EYS: variants seen among roughly 807,000 people sequenced by gnomAD.
The protein encoded by EYS is protein eyes shut homolog.
Under a neutral mutation model 282.1 loss-of-function variants are expected in EYS, and 250 were observed. That is an observed-to-expected ratio of 0.89 (90% confidence interval 0.80 to 0.98). EYS has a LOEUF of 0.98. EYS is among the 50% of genes least tolerant of loss of function. The pLI, the probability that EYS is intolerant of heterozygous loss-of-function variation, is 0.00. For synonymous variants in EYS, 1,355 were observed against 1,282.9 expected, an observed-to-expected ratio of 1.06 and a Z score of -1.20; for missense variants, 4,016 against 3,709.0, an observed-to-expected ratio of 1.08 and a Z score of -2.15.
At chr6:64,167,635 C>T (rs77723806) in intron 31 of EYS, among the ~76,000 whole-genome samples, 3,899 of 151,628 alleles carry the variant, frequency 0.026, 154 homozygotes, top group African/African-American at 0.09. Flanking sequence ...AAAGGGCATA[C>T]GTACATACAG....
chr6:64,382,508 ACT>A (rs1772781682), intron 29 of EYS, among the ~76,000 whole-genome samples: 1 of 151,932 alleles, frequency 6.6e-6, no homozygotes, highest in Admixed American at 6.6e-5. Context: ...CTGATGTTTG[ACT>A]CTCCCTCTCA....
chr6:65,578,132 T>C (rs1017177992), intron 2 of EYS, among the ~76,000 whole-genome samples: 3 of 151,878 alleles, frequency 2.0e-5, no homozygotes, highest in Non-Finnish European at 4.4e-5. Flanking sequence ...TACACTGCAC[T>C]TTTTGCAGCA....
At chr6:64,564,423 GCACA>G (rs1562064339) in intron 26 of EYS, among the ~76,000 whole-genome samples, 9 of 151,116 alleles carry the variant, frequency 6.0e-5, no homozygotes, top group Non-Finnish European at 1.2e-4. Flanking sequence ...GACTACAGGT[GCACA>G]CCACCACGCC....
At chr6:64,487,145 G>A (rs1275493813) in intron 26 of EYS, among the ~76,000 whole-genome samples, 1 of 150,920 alleles carries the variant, frequency 6.6e-6, no homozygotes, top group Admixed American at 6.6e-5. Context: ...AGATTTATTG[G>A]CACTTAATCA....
At chr6:65,370,642 G>A (rs1265981208) in intron 8 of EYS, among the ~76,000 whole-genome samples, 2 of 151,568 alleles carry the variant, frequency 1.3e-5, no homozygotes, top group Non-Finnish European at 2.9e-5. Flanking sequence ...TGCAACAAAT[G>A]CATCTTTTCC....
chr6:64,686,757 A>G (rs1283242517), intron 22 of EYS, among the ~76,000 whole-genome samples: 2 of 25,912 alleles, frequency 7.7e-5, no homozygotes, highest in Non-Finnish European at 2.3e-4. Context: ...ATATATATAT[A>G]TATATGTGTG....
At chr6:65,616,832 A>G (rs943992268) in intron 2 of EYS, among the ~76,000 whole-genome samples, 2 of 152,140 alleles carry the variant, frequency 1.3e-5, no homozygotes, top group Non-Finnish European at 2.9e-5. Context: ...TAAAACGAAG[A>G]AAAAATAAAT....
At chr6:64,310,797 G>A (rs765270676) in intron 29 of EYS, among the ~76,000 whole-genome samples, 1 of 152,012 alleles carries the variant, frequency 6.6e-6, no homozygotes, top group Non-Finnish European at 1.5e-5. Context: ...AAAGGGAACT[G>A]AGCATATGAG....
intron 30 of EYS, among the ~76,000 whole-genome samples, chr6:64,274,293 G>T (rs979069049): frequency 1.3e-5 from 2 of 152,062 alleles, no homozygotes; most frequent in Admixed American, 1.3e-4. Context: ...TTCTGCATCA[G>T]CTTCCGGAGT....
intron 15 of EYS, among the ~76,000 whole-genome samples, chr6:64,913,798 G>GTAGTTCTATTTT (rs1181857342): frequency 6.6e-6 from 1 of 152,084 alleles, no homozygotes; most frequent in Non-Finnish European, 1.5e-5. Flanking sequence ...GGGTCAAATG[G>GTAGTTCTATTTT]TAGTTCTATT....
At chr6:65,613,200 G>A (rs1766062834) in intron 2 of EYS, among the ~76,000 whole-genome samples, 1 of 151,706 alleles carries the variant, frequency 6.6e-6, no homozygotes, top group African/African-American at 2.4e-5. Flanking sequence ...ATTATTTAGT[G>A]TTGGAGAAAT....
At chr6:65,015,411 C>T (rs1772010323) in intron 13 of EYS, among the ~76,000 whole-genome samples, 1 of 152,144 alleles carries the variant, frequency 6.6e-6, no homozygotes. Context: ...CAAGATCCTA[C>T]AAGTCTTTGT....
intron 6 of EYS, among the ~76,000 whole-genome samples, chr6:65,403,426 C>T (rs2150364316): frequency 6.6e-6 from 1 of 152,016 alleles, no homozygotes; most frequent in East Asian, 1.9e-4. Flanking sequence ...TCATTACCAT[C>T]ATTTTCATTA....
At chr6:64,948,331 C>A (rs960448866) in intron 14 of EYS, among the ~76,000 whole-genome samples, 11 of 150,938 alleles carry the variant, frequency 7.3e-5, no homozygotes, top group Non-Finnish European at 1.3e-4. Flanking sequence ...ATTCTTGCTG[C>A]AAAGCAGTTT....
intron 31 of EYS, among the ~76,000 whole-genome samples, chr6:64,151,323 A>ATATATATATATATATATT (rs1562226605): frequency 6.0e-4 from 39 of 64,686 alleles, no homozygotes; most frequent in African/African-American, 2.9e-3. Context: ...ATATTTATAT[A>ATATATATATATATATATT]TATATATATA....
intron 12 of EYS, among the ~76,000 whole-genome samples, chr6:65,218,813 T>A (rs1280389607): frequency 6.6e-6 from 1 of 151,634 alleles, no homozygotes; most frequent in African/African-American, 2.4e-5. Context: ...GAGAAAAAAA[T>A]TAAAGAGGAA....
At chr6:65,522,322 C>A (rs1381523427) in intron 2 of EYS, among the ~76,000 whole-genome samples, 2 of 152,072 alleles carry the variant, frequency 1.3e-5, no homozygotes, top group Non-Finnish European at 2.9e-5. Context: ...AATTAGTGGG[C>A]CAGCACAGTG....
intron 31 of EYS, among the ~76,000 whole-genome samples, chr6:64,173,154 T>C (rs1416457634): frequency 6.6e-6 from 1 of 152,184 alleles, no homozygotes; most frequent in East Asian, 1.9e-4. Context: ...AATGGAATTT[T>C]AATATAGCAG....
chr6:65,491,042 C>T (rs550733501), intron 4 of EYS, among the ~76,000 whole-genome samples: 1 of 152,022 alleles, frequency 6.6e-6, no homozygotes, highest in Non-Finnish European at 1.5e-5. Context: ...TTTCAACATA[C>T]ATTGATAGTA....
Sources: allele counts gnomAD v4.1 joint callset (sites outside exome capture counted in the v4.1 genomes callset), GRCh38; gene constraint gnomAD v4.1.1; transcripts MANE v1.5; gene names NCBI Gene and HGNC (gene_info 2026-07-23, HGNC 2026-07-21).